SUPT6H: variants seen among roughly 807,000 people sequenced by gnomAD.
SUPT6H encodes the protein SPT6 homolog, histone chaperone and transcription elongation factor, also known as transcription elongation factor SPT6.
Under a neutral mutation model 222.3 loss-of-function variants are expected in SUPT6H, and 11 were observed. That is an observed-to-expected ratio of 0.05 (90% CI 0.03 to 0.08). The LOEUF (loss-of-function observed/expected upper bound fraction) is 0.08. Ranked by LOEUF, SUPT6H falls within the 10% of genes least tolerant of loss-of-function variation. The pLI is 1.00. For missense variants in SUPT6H, 1,422 were observed against 2,216.0 expected, an observed-to-expected ratio of 0.64 and a Z score of 7.19; for synonymous variants, 762 against 801.2, an observed-to-expected ratio of 0.95 and a Z score of 0.83.
chr17:28,663,665 A>G (rs957170537), intron 1 of SUPT6H, among the ~76,000 whole-genome samples: 1 of 151,854 alleles, frequency 6.6e-6, no homozygotes, highest in African/African-American at 2.4e-5. Flanking sequence ...AACTGTTCCC[A>G]TCAGCATACA....
Position 28,683,044 on chromosome 17 carries a change from C to T in SUPT6H, c.1830C>T (p.Phe610=), listed in dbSNP as rs770182030. The T allele has an allele frequency of 4.6e-5, 74 of 1,613,194 alleles. No individual in the cohort carries two copies. Among genetic ancestry groups the T allele is most frequent in the Non-Finnish European group, 6.1e-5 (72 of 1,179,796 alleles). Residue 610 remains phenylalanine (F), a synonymous_variant, in exon 15 of 37, where the codon TTC becomes TTT. Coordinates refer to ENST00000314616, the MANE Select transcript of SUPT6H (RefSeq NM_003170.5). ...PLVRQVLRQT[F]QERAKLNITP... is the part of the protein sequence containing the mutation. ...TCCGGCAGGTGCTGAGGCAAACCTTCCAAGAGAGAGCCAAGTTAAATATAA... is the reference window on the plus strand; with the variant it reads ...TCCGGCAGGTGCTGAGGCAAACCTTTCAAGAGAGAGCCAAGTTAAATATAA...
intron 20 of SUPT6H, 67 bp from the exon 21 acceptor site, chr17:28,686,587 C>A (rs374729329): frequency 4.5e-5 from 69 of 1,548,416 alleles, no homozygotes; most frequent in South Asian, 7.6e-5. Flanking sequence ...CTCTTCACCC[C>A]CAAGGCAGTC....
At chr17:28,699,689 A>C (rs1169568000) in intron 32 of SUPT6H, 92 bp from the exon 33 acceptor site, 1 of 1,040,792 alleles carries the variant, frequency 9.6e-7, no homozygotes, top group Non-Finnish European at 1.5e-6. Context: ...TAGCACCCAG[A>C]ATGGCTACTT....
chr17:28,666,550 CTTTTTTTTTTT>C, intron 1 of SUPT6H, among the ~76,000 whole-genome samples: 1 of 138,640 alleles, frequency 7.2e-6, no homozygotes, highest in African/African-American at 2.6e-5. Flanking sequence ...AAAAGGAATA[CTTTTTTTTTTT>C]TTTTTTTTGA....
At position 28,687,206 on chromosome 17, in the gene SUPT6H, T is replaced by A. The variant is rs1235621975; in HGVS notation, c.2819T>A (p.Leu940His). The A allele has an allele frequency of 4.3e-6, 7 of 1,614,076 alleles. No homozygotes were observed. Among genetic ancestry groups the A allele is most frequent in the Non-Finnish European group, 5.9e-6 (7 of 1,180,046 alleles). ...AGTTCCGATGAAGACATCCTGTGTC[T>A]CAAGTTTCACCCCTTGCAGGTGAGT... ...VCSSDEDILC[L>H]KFHPLQEHVV... Residue 940 changes from leucine (L) to histidine (H), a missense_variant, in exon 22 of 37, where the codon CTC becomes CAC. Leu to His is a moderately conservative substitution (Grantham distance 99). Transcript: ENST00000314616.
chr17:28,702,488 G>A lies in SUPT6H; in HGVS notation c.*863G>A, dbSNP rs777823594. On this transcript the variant is annotated 3_prime_UTR_variant, in exon 37 of 37. Coordinates refer to ENST00000314616, the MANE Select transcript of SUPT6H (RefSeq NM_003170.5). Reference sequence around the variant, plus strand: ...CTGTAACATGGAGATAGTGATACCTGCCTCATCAGCTGCTGTGAGGACCAA... The same window carrying A: ...CTGTAACATGGAGATAGTGATACCTACCTCATCAGCTGCTGTGAGGACCAA... 3.3e-5 allele frequency: 5 copies of A among 152,322 alleles called. No individual in the cohort carries two copies. Among genetic ancestry groups the A allele is most frequent in the African/African-American group, 1.2e-4 (5 of 41,444 alleles). 9.4% of individuals were successfully genotyped at this position (152,322 alleles called of 1,614,324 possible).
intron 33 of SUPT6H, 21 bp downstream of exon 33, chr17:28,699,914 C>T (rs1446848817): frequency 6.2e-7 from 1 of 1,605,338 alleles, no homozygotes; most frequent in Non-Finnish European, 8.5e-7. Context: ...CTCTTCCTGA[C>T]TTCAGGGACG....
intron 1 of SUPT6H, among the ~76,000 whole-genome samples, chr17:28,663,828 A>ATTTTTTTTTTTTT (rs71135839): frequency 0.025 from 977 of 38,358 alleles, 377 homozygotes; most frequent in African/African-American, 0.081. Context: ...TGCCCACTCC[A>ATTTTTTTTTTTTT]TTTTTTTTTT....
In SUPT6H at chr17:28,683,403, G is replaced by A; in HGVS notation, c.2014G>A (p.Asp672Asn). ...GCTCCTCACCACTGACATCAGCATA[G>A]ATTTGAAGGGAGTGGAAGGGTAAGC... The part of the protein sequence containing the change: ...EGLLTTDISI[D>N]LKGVEGYGND... The change falls in exon 16 of 37, where the codon GAT becomes AAT. Residue 672 changes from aspartate to asparagine, a missense_variant. By Grantham distance (23) the Asp-to-Asn change is conservative. Coordinates refer to ENST00000314616, the MANE Select transcript of SUPT6H (RefSeq NM_003170.5). 6.2e-7 allele frequency: 1 copy of A among 1,614,166 alleles called. No homozygotes were observed.
In SUPT6H at chr17:28,675,053, A is replaced by G. The variant is rs757574596; in HGVS notation, c.429A>G (p.Glu143=). The G allele has an allele frequency of 5.6e-6, 9 of 1,614,088 alleles. No individual in the cohort carries two copies. In the Admixed American group the frequency reaches 1.3e-4, roughly 24 times the overall value. The change falls in exon 5 of 37, where the codon GAA becomes GAG. Residue 143 remains glutamate (E), a synonymous_variant. Coordinates refer to ENST00000314616, the MANE Select transcript of SUPT6H (RefSeq NM_003170.5). ...EEYGKEEHEK[E]AIAEEIFQDG... ...ATGGCAAGGAGGAACATGAAAAAGA[A>G]GCTATTGCGGAAGAAATCTTCCAGG...
chr17:28,695,613 G>A, intron 29 of SUPT6H, 66 bp downstream of exon 29: 1 of 1,521,468 alleles, frequency 6.6e-7, no homozygotes, highest in Non-Finnish European at 8.9e-7. Context: ...GCAGGATTCA[G>A]GCCACAGGAT....
In SUPT6H at chr17:28,697,989, C is replaced by G. The variant is rs765033047; in HGVS notation, c.4407C>G (p.Pro1469=). Residue 1469 remains proline (P), a synonymous_variant, in exon 32 of 37, where the codon CCC becomes CCG. Transcript: ENST00000314616. ...PYFICACKEL[P]GKFLLGYQPR... The stretch of plus-strand genomic sequence containing the variant: ...TCATCTGTGCCTGCAAGGAACTGCC[C>G]GGCAAGTTCCTACTGGGATACCAGC... 2 of 1,613,364 alleles carry G rather than the reference C, an allele frequency of 1.2e-6. No homozygotes were observed. Among genetic ancestry groups the G allele is most frequent in the Non-Finnish European group, 8.5e-7 (1 of 1,180,020 alleles).
In SUPT6H at chr17:28,697,844, C is replaced by T. The variant is rs1015668259; in HGVS notation, c.4324-62C>T. On this transcript the variant is annotated intron_variant, in intron 31 of 36. Transcript: ENST00000314616. ...GTGAAGGAAGTGTACATCATGTGTG[C>T]ACCAGACGTTGTGTACCAAGCATGC... The T allele has an allele frequency of 5.0e-6, 8 of 1,607,408 alleles. No homozygotes were observed. The African/African-American group carries it at 8.0e-5, about 16-fold the overall frequency.
At chr17:28,701,289 G>A (rs1221537145) in intron 36 of SUPT6H, 150 bp from the exon 37 acceptor site, 5 of 1,369,710 alleles carry the variant, frequency 3.7e-6, no homozygotes, top group East Asian at 4.7e-5. Context: ...GAAGAGGGCA[G>A]TATGGCAGCC....
At chr17:28,663,761 A>ACTCAGCTTT (rs2072110071) in intron 1 of SUPT6H, among the ~76,000 whole-genome samples, 1 of 147,986 alleles carries the variant, frequency 6.8e-6, no homozygotes, top group Admixed American at 6.9e-5. Flanking sequence ...ACCTGTACCA[A>ACTCAGCTTT]CTCAGCTTTC....
At chr17:28,701,266 C>G in intron 36 of SUPT6H, 138 bp downstream of exon 36, 6 of 1,415,864 alleles carry the variant, frequency 4.2e-6, no homozygotes, top group Non-Finnish European at 5.7e-6. Flanking sequence ...ACACTAGTTT[C>G]TGGGTGAAGA....
At position 28,701,320 on chromosome 17, in the gene SUPT6H, T is replaced by C. The variant is rs146782706; in HGVS notation, c.4995-119T>C. 734 of 1,427,964 alleles carry C rather than the reference T, an allele frequency of 5.1e-4. 7 individuals are homozygous for C. The African/African-American group carries it at 7.9e-3, about 15-fold the overall frequency. The allele number at this position is 1,427,964 out of a possible 1,614,324, so 88.5% of individuals were successfully genotyped here. ...CAGCCAGCTGCTGCTGTATCTGCCTTATCCCAGTAGAGGGGCTGCTGCCCA... is the reference window on the plus strand; with the variant it reads ...CAGCCAGCTGCTGCTGTATCTGCCTCATCCCAGTAGAGGGGCTGCTGCCCA... On this transcript the variant is annotated intron_variant, in intron 36 of 36. Coordinates refer to ENST00000314616, the MANE Select transcript of SUPT6H (RefSeq NM_003170.5).
chr17:28,679,004 G>A, intron 11 of SUPT6H, 41 bp downstream of exon 11: 1 of 1,613,230 alleles, frequency 6.2e-7, no homozygotes, highest in Non-Finnish European at 8.5e-7. Flanking sequence ...GAAGCCCTCA[G>A]ACCCCAAGGC....
chr17:28,671,828 G>A (rs1567685800), intron 1 of SUPT6H, among the ~76,000 whole-genome samples: 1 of 152,164 alleles, frequency 6.6e-6, no homozygotes, highest in South Asian at 2.1e-4. Flanking sequence ...CTGTAAGGTA[G>A]GTAGCGCTAT....
Sources: allele counts gnomAD v4.1 joint callset (sites outside exome capture counted in the v4.1 genomes callset), GRCh38; gene constraint gnomAD v4.1.1; transcripts MANE v1.5; gene names NCBI Gene and HGNC (gene_info 2026-07-23, HGNC 2026-07-21).